Variants in PRKN observed in about 807,000 individuals in gnomAD.
The protein encoded by PRKN is E3 ubiquitin-protein ligase parkin.
PRKN carries 56 observed loss-of-function variants against 59.5 expected under a neutral mutation model. The observed-to-expected ratio is 0.94, with a 90% CI of 0.76 to 1.18. The LOEUF is 1.18. Ranked by LOEUF, PRKN falls within the 50% of genes most tolerant of loss-of-function variation. The pLI, the probability that PRKN is intolerant of heterozygous loss-of-function variation, is 0.00. For missense variants in PRKN, 657 were observed against 596.4 expected, an observed-to-expected ratio of 1.10 and a Z score of -1.06; for synonymous variants, 250 against 222.1, an observed-to-expected ratio of 1.13 and a Z score of -1.12.
Position 161,757,871 on chromosome 6 carries a change from C to CTCTCTCTCTCTCTG in PRKN, c.871+27900_871+27901insCAGAGAGAGAGAGA, listed in dbSNP as rs1380898753. Among the ~76,000 whole-genome samples the CTCTCTCTCTCTCTG allele has an allele frequency of 7.7e-4, 75 of 97,962 alleles. 2 individuals carry two copies. Among genetic ancestry groups the CTCTCTCTCTCTCTG allele is most frequent in the Middle Eastern group, 5.3e-3 (1 of 190 alleles). 64.3% of individuals were successfully genotyped at this position (97,962 alleles called of 152,430 possible). A position where few individuals can be genotyped will look rare whatever the true frequency, so the allele number is the denominator to read the frequency against. ...TCTCTCTCTCTCTCTCTCTCTCTCTCTGTGTATATATATATACACACACAC... is the reference window on the plus strand; with the variant it reads ...TCTCTCTCTCTCTCTCTCTCTCTCTCTCTCTCTCTCTCTGTGTGTATATATATATACACACACAC... On this transcript the variant is annotated intron_variant, in intron 7 of 11. Coordinates refer to ENST00000366898, the MANE Select transcript of PRKN (RefSeq NM_004562.3).
chr6:161,641,827 T>G (rs1359269161), intron 7 of PRKN, among the ~76,000 whole-genome samples: 1 of 152,234 alleles, frequency 6.6e-6, no homozygotes, highest in Non-Finnish European at 1.5e-5. Context: ...TACACCATCC[T>G]GATGGGCTGG....
intron 1 of PRKN, among the ~76,000 whole-genome samples, chr6:162,564,112 C>T (rs1031667083): frequency 3.3e-5 from 5 of 151,992 alleles, no homozygotes; most frequent in Admixed American, 6.6e-5. Context: ...TTTGGGAGGC[C>T]GAGGTGGGTG....
intron 2 of PRKN, among the ~76,000 whole-genome samples, chr6:162,291,961 G>GTTT (rs10550090): frequency 2.3e-5 from 3 of 129,586 alleles, no homozygotes; most frequent in Non-Finnish European, 4.8e-5. Context: ...TATTATTATT[G>GTTT]TTTTTTTTTT....
chr6:162,682,096 TTTTA>T (rs1198618517), intron 1 of PRKN, among the ~76,000 whole-genome samples: 2 of 152,232 alleles, frequency 1.3e-5, no homozygotes, highest in South Asian at 2.1e-4. Flanking sequence ...ACTCAGTAAA[TTTTA>T]TTTATCTGAA....
Position 161,849,869 on chromosome 6 carries a change from C to G in PRKN, c.735-63961G>C, listed in dbSNP as rs183405800. ...AACAGTCCAGACCTCTGTCAATTGT[C>G]CCAGCAAAATTATTACCAGCACCCC... On this transcript the variant is annotated intron_variant, in intron 6 of 11. Transcript: ENST00000366898. Among the ~76,000 whole-genome samples, 8 of 152,264 alleles carry G rather than the reference C, an allele frequency of 5.3e-5. No homozygotes were observed. In the East Asian group the frequency reaches 1.3e-3, roughly 26 times the overall value.
rs972302598 is a variant in PRKN at position 161,575,424 on chromosome 6, T to C, written c.872-6008A>G. Among the ~76,000 whole-genome samples the C allele has an allele frequency of 1.3e-5, 2 of 152,148 alleles. No individual in the cohort carries two copies. The highest frequency in any genetic ancestry group is 3.9e-4 in the East Asian group (2 of 5,188). ...CCCAAACAAAACAAAACAAAACAAA[T>C]ACCTTTGAGAGATTAACTGAGCCAT... On this transcript the variant is annotated intron_variant, in intron 7 of 11. Transcript: ENST00000366898. The surrounding 1 kb of genome is among the most constrained non-coding windows in gnomAD (Gnocchi z 4.6).
At chr6:162,608,918 G>C (rs185952434) in intron 1 of PRKN, among the ~76,000 whole-genome samples, 9 of 152,206 alleles carry the variant, frequency 5.9e-5, no homozygotes, top group Admixed American at 3.3e-4. Flanking sequence ...CTGGGGCATG[G>C]GTCAGTAGCA....
rs1210033170 is a variant in PRKN, at chr6:161,487,692, G to A, written c.1083+61162C>T. Among the ~76,000 whole-genome samples the A allele has an allele frequency of 6.6e-6, 1 of 152,138 alleles. No individual in the cohort carries two copies. The highest frequency in any genetic ancestry group is 2.4e-5 in the African/African-American group (1 of 41,416). On this transcript the variant is annotated intron_variant, in intron 9 of 11. Coordinates refer to ENST00000366898, the MANE Select transcript of PRKN (RefSeq NM_004562.3). The surrounding 1 kb of genome is among the most constrained non-coding windows in gnomAD (Gnocchi z 5.3). Reference sequence around the variant, plus strand: ...TATTCATGTAGGAGGTAGGGGTTGTGCCTTCTTTTCCATTCATTCAGAAAA... The same window carrying A: ...TATTCATGTAGGAGGTAGGGGTTGTACCTTCTTTTCCATTCATTCAGAAAA...
At chr6:162,271,147 G>A (rs1001357390) in intron 2 of PRKN, among the ~76,000 whole-genome samples, 4 of 150,190 alleles carry the variant, frequency 2.7e-5, no homozygotes, top group African/African-American at 4.9e-5. Flanking sequence ...TTCCAGGCCT[G>A]AGCCACTGCA....
In PRKN at chr6:161,560,585, T is replaced by C. The variant is rs1780422704; in HGVS notation, c.933+8770A>G. Among the ~76,000 whole-genome samples, 1 of 152,130 alleles carries C rather than the reference T, an allele frequency of 6.6e-6. No individual in the cohort carries two copies. The highest frequency in any genetic ancestry group is 1.5e-5 in the Non-Finnish European group (1 of 68,026). On this transcript the variant is annotated intron_variant, in intron 8 of 11. Coordinates refer to ENST00000366898, the MANE Select transcript of PRKN (RefSeq NM_004562.3). This position sits in a 1 kb window ranked among gnomAD's most constrained non-coding sequence, Gnocchi z 4.9. ...TATGAATAAGCCACCATCAATCTAT[T>C]CTTTCTGTTTTACCTTCTCATCCTG...
intron 2 of PRKN, among the ~76,000 whole-genome samples, chr6:162,279,216 T>C (rs891961611): frequency 2.6e-5 from 4 of 151,900 alleles, no homozygotes; most frequent in Admixed American, 2.0e-4. Context: ...CAGGAGCCTG[T>C]AATCCCAGCT....
rs1360153454 is a variant in PRKN at position 161,376,078 on chromosome 6, C to T, written c.1167+10716G>A. ...AGTCAATGGCTGAGAGACGGCTCTG[C>T]GGTGAGATGCTGGGGCAAAATAGAT... On this transcript the variant is annotated intron_variant, in intron 10 of 11. Coordinates refer to ENST00000366898, the MANE Select transcript of PRKN (RefSeq NM_004562.3). The surrounding 1 kb of genome is among the most constrained non-coding windows in gnomAD (Gnocchi z 7.3). Among the ~76,000 whole-genome samples the T allele has an allele frequency of 5.3e-5, 8 of 152,178 alleles. No individual in the cohort carries two copies. Among genetic ancestry groups the T allele is most frequent in the African/African-American group, 1.9e-4 (8 of 41,436 alleles).
chr6:162,111,564 TTG>T (rs1780441750), intron 4 of PRKN, among the ~76,000 whole-genome samples: 1 of 152,060 alleles, frequency 6.6e-6, no homozygotes, highest in Non-Finnish European at 1.5e-5. Context: ...GTATCATGTT[TTG>T]TGTGAGTGCG....
intron 7 of PRKN, among the ~76,000 whole-genome samples, chr6:161,703,263 C>T (rs1786329636): frequency 6.6e-6 from 1 of 152,134 alleles, no homozygotes; most frequent in Admixed American, 6.5e-5. Flanking sequence ...ATGATCACTC[C>T]AGCCAGGGCA....
At chr6:161,987,946 C>T (rs1173041302) in intron 5 of PRKN, among the ~76,000 whole-genome samples, 4 of 152,150 alleles carry the variant, frequency 2.6e-5, no homozygotes, top group Non-Finnish European at 5.9e-5. Flanking sequence ...AACAAAGAAA[C>T]ATCCCACAAG....
intron 1 of PRKN, among the ~76,000 whole-genome samples, chr6:162,675,588 C>CTG (rs1779514892): frequency 6.6e-6 from 1 of 152,034 alleles, no homozygotes; most frequent in African/African-American, 2.4e-5. Flanking sequence ...TCTAAAATAA[C>CTG]CAGTATGCAG....
At chr6:162,369,011 C>A (rs147678842) in intron 2 of PRKN, among the ~76,000 whole-genome samples, 1 of 152,136 alleles carries the variant, frequency 6.6e-6, no homozygotes, top group Non-Finnish European at 1.5e-5. Flanking sequence ...ACTCATTACC[C>A]CATCCATATT....
chr6:162,420,524 G>A (rs562436551), intron 2 of PRKN, among the ~76,000 whole-genome samples: 77 of 152,236 alleles, frequency 5.1e-4, no homozygotes, highest in African/African-American at 1.6e-3. Flanking sequence ...AGATTTCAGG[G>A]GAGCCCCTGC....
intron 1 of PRKN, among the ~76,000 whole-genome samples, chr6:162,678,174 A>G (rs1779623600): frequency 6.6e-6 from 1 of 152,240 alleles, no homozygotes; most frequent in South Asian, 2.1e-4. Flanking sequence ...ATTGTATAGT[A>G]TACACCAATT....
Sources: gnomAD v4.1 joint callset for allele counts (sites outside exome capture counted in the v4.1 genomes callset) on GRCh38, gnomAD v4.1.1 for gene constraint, Gnocchi (gnomAD v3.1) non-coding constraint, MANE v1.5 for transcripts, NCBI Gene and HGNC (gene_info 2026-07-23, HGNC 2026-07-21) for gene names.